Variants in ZDHHC17 observed in about 807,000 individuals in gnomAD.
The protein encoded by ZDHHC17 is palmitoyltransferase ZDHHC17.
ZDHHC17 carries 40 observed loss-of-function variants against 90.3 expected under a neutral mutation model. That is an observed-to-expected ratio of 0.44 (90% confidence interval 0.34 to 0.58). The LOEUF (loss-of-function observed/expected upper bound fraction) is 0.58, where lower values mean the gene tolerates loss of function less well. Ranked by LOEUF, ZDHHC17 falls within the 20% of genes least tolerant of loss-of-function variation. The probability of loss-of-function intolerance (pLI) is 0.01; values close to 1 mark genes in which losing one functional copy is unlikely to be tolerated. For missense variants in ZDHHC17, 614 were observed against 780.8 expected (o/e 0.79, Z 2.55); for synonymous variants, 235 against 252.4 (o/e 0.93, Z 0.65).
At position 76,807,659 on chromosome 12, in the gene ZDHHC17, GA is replaced by G. The variant is rs200710819; in HGVS notation, c.321-1376del. On this transcript the variant is annotated intron_variant, in intron 3 of 16. Transcript: ENST00000426126. ...CAGAAAAGTTCCCTCTCCTTGTGAA[GA>G]AAAAAAAGTTGTGCTTTAGAATCAG... Among the ~76,000 whole-genome samples the G allele has an allele frequency of 6.9e-3, 1,052 of 151,920 alleles. 4 individuals are homozygous for G. The highest frequency in any genetic ancestry group is 0.031 in the East Asian group (159 of 5,170).
At chr12:76,822,347 T>C in intron 7 of ZDHHC17, 59 bp from the exon 8 acceptor site, 7 of 1,584,144 alleles carry the variant, frequency 4.4e-6, no homozygotes, top group Non-Finnish European at 5.2e-6. Flanking sequence ...TCTTTAAAGG[T>C]AACTAAGATA....
At chr12:76,841,419 GT>G (rs1259534479) in intron 10 of ZDHHC17, among the ~76,000 whole-genome samples, 1 of 151,960 alleles carries the variant, frequency 6.6e-6, no homozygotes, top group African/African-American at 2.4e-5. Context: ...TATTTAAATT[GT>G]TTTTTGATAA....
At chr12:76,792,534 C>T (rs1350011538) in intron 1 of ZDHHC17, among the ~76,000 whole-genome samples, 1 of 152,080 alleles carries the variant, frequency 6.6e-6, no homozygotes, top group African/African-American at 2.4e-5. Context: ...TTTATCGCAG[C>T]TCAGCTTATC....
At chr12:76,795,385 T>C (rs1301682931) in intron 1 of ZDHHC17, among the ~76,000 whole-genome samples, 1 of 152,202 alleles carries the variant, frequency 6.6e-6, no homozygotes, top group Non-Finnish European at 1.5e-5. Flanking sequence ...CAAGTGTACA[T>C]TGTAGAGAGC....
intron 2 of ZDHHC17, among the ~76,000 whole-genome samples, chr12:76,802,357 C>T (rs886416554): frequency 6.6e-6 from 1 of 152,202 alleles, no homozygotes; most frequent in African/African-American, 2.4e-5. Flanking sequence ...TTGCCTCTCT[C>T]TCGTTCCTTT....
rs1292188290 is a variant in ZDHHC17 at position 76,764,194 on chromosome 12, C to T, written c.-43C>T. The T allele has an allele frequency of 2.0e-6, 3 of 1,491,114 alleles. No homozygotes were observed. Among genetic ancestry groups the T allele is most frequent in the Admixed American group, 2.1e-5 (1 of 47,792 alleles). 92.4% of individuals were successfully genotyped at this position (1,491,114 alleles called of 1,614,324 possible). On this transcript the variant is annotated 5_prime_UTR_variant, in exon 1 of 17. Transcript: ENST00000426126. ...TCGCGCTCGCCCCGCGCTCGCCCTC[C>T]GCCTCGCCCGAGCCCCGGGAGGGTG...
intron 2 of ZDHHC17, among the ~76,000 whole-genome samples, chr12:76,802,024 A>G (rs572311888): frequency 2.0e-4 from 31 of 152,286 alleles, no homozygotes; most frequent in African/African-American, 7.2e-4. Context: ...GTAATTGCCC[A>G]TGTATTGACT....
intron 2 of ZDHHC17, among the ~76,000 whole-genome samples, chr12:76,803,309 A>G (rs1173779384): frequency 6.6e-6 from 1 of 152,146 alleles, no homozygotes; most frequent in East Asian, 1.9e-4. Context: ...TTTGTCTTAG[A>G]TGATTTTGTT....
chr12:76,781,776 C>T, intron 1 of ZDHHC17: 1 of 430,418 alleles, frequency 2.3e-6, no homozygotes, highest in South Asian at 1.7e-5. Flanking sequence ...GAGAATATAT[C>T]TGGCTTATTC....
At position 76,840,199 on chromosome 12, in the gene ZDHHC17, A is replaced by G. The variant is rs537035281; in HGVS notation, c.1142-1783A>G. 3 of 152,236 alleles carry G rather than the reference A, an allele frequency of 2.0e-5. No individual in the cohort carries two copies. In the South Asian group the frequency reaches 6.2e-4, roughly 32 times the overall value. The allele number at this position is 152,236 out of a possible 1,614,324, so 9.4% of individuals were successfully genotyped here. ...TCATAATTAAAAATGCAGAATACCAAAATTAAAAGAAGTTTAATTCTGGGT... is the reference window on the plus strand; with the variant it reads ...TCATAATTAAAAATGCAGAATACCAGAATTAAAAGAAGTTTAATTCTGGGT... On this transcript the variant is annotated intron_variant, in intron 10 of 16. Transcript: ENST00000426126.
In ZDHHC17 at chr12:76,771,380, A is replaced by C. The variant is rs755130197; in HGVS notation, c.93+7051A>C. ...TTCAATTCCTGTTGCAAATTTGCCA[A>C]ATTATTTTCTAGGGTTAATACATAC... On this transcript the variant is annotated intron_variant, in intron 1 of 16. Coordinates refer to ENST00000426126, the MANE Select transcript of ZDHHC17 (RefSeq NM_015336.4). Among the ~76,000 whole-genome samples, 3 of 152,182 alleles carry C rather than the reference A, an allele frequency of 2.0e-5. No individual in the cohort carries two copies. The South Asian group carries it at 6.2e-4, about 31-fold the overall frequency.
chr12:76,809,945 G>A (rs1370441429), intron 5 of ZDHHC17, 88 bp downstream of exon 5: 5 of 1,407,728 alleles, frequency 3.6e-6, no homozygotes, highest in Non-Finnish European at 4.8e-6. Flanking sequence ...ACAAGCCGTT[G>A]ATATTTAAAT....
At position 76,852,644 on chromosome 12, in the gene ZDHHC17, G is replaced by T. The variant is rs1281202664; in HGVS notation, c.*1659G>T. ...GCCTTAGTAAGAGGAGCAGTGAAAT[G>T]TATATAGTTGATGTTCAGTATTTCC... On this transcript the variant is annotated 3_prime_UTR_variant, in exon 17 of 17. Transcript: ENST00000426126. 6.6e-6 allele frequency: 1 copy of T among 152,472 alleles called. No individual in the cohort carries two copies. Among genetic ancestry groups the T allele is most frequent in the Admixed American group, 6.6e-5 (1 of 15,266 alleles). 9.4% of individuals were successfully genotyped at this position (152,472 alleles called of 1,614,324 possible). A position where few individuals can be genotyped will look rare whatever the true frequency, so the allele number is the denominator to read the frequency against.
At chr12:76,785,580 T>G (rs188112756) in intron 1 of ZDHHC17, among the ~76,000 whole-genome samples, 331 of 152,318 alleles carry the variant, frequency 2.2e-3, no homozygotes, top group African/African-American at 7.1e-3. Flanking sequence ...TTCACCATCC[T>G]TAGTCATCTG....
rs763422577 is a variant in ZDHHC17, at chr12:76,853,002, G to A, written c.*2017G>A. ...ATGAAGACTCAGTTGCATTTTTATC[G>A]AATACATTTTTATCAACAGTTAAAG... On this transcript the variant is annotated 3_prime_UTR_variant, in exon 17 of 17. Coordinates refer to ENST00000426126, the MANE Select transcript of ZDHHC17 (RefSeq NM_015336.4). The A allele has an allele frequency of 1.2e-4, 19 of 152,262 alleles. No homozygotes were observed. Among genetic ancestry groups the A allele is most frequent in the South Asian group, 2.1e-4 (1 of 4,818 alleles). The allele number at this position is 152,262 out of a possible 1,614,324, so 9.4% of individuals were successfully genotyped here.
Position 76,805,289 on chromosome 12 carries a change from A to G in ZDHHC17, c.198-28A>G. On this transcript the variant is annotated intron_variant, in intron 2 of 16. Coordinates refer to ENST00000426126, the MANE Select transcript of ZDHHC17 (RefSeq NM_015336.4). Reference sequence around the variant, plus strand: ...ACTTTACATTTCTTGTTAAATAATAACAATGCCATATTTTCTTTCTTTTCT... The same window carrying G: ...ACTTTACATTTCTTGTTAAATAATAGCAATGCCATATTTTCTTTCTTTTCT... 7 of 1,547,466 alleles carry G rather than the reference A, an allele frequency of 4.5e-6. No homozygotes were observed. The South Asian group carries it at 8.3e-5, about 18-fold the overall frequency.
At chr12:76,788,111 A>G (rs1160756560) in intron 1 of ZDHHC17, among the ~76,000 whole-genome samples, 3 of 152,184 alleles carry the variant, frequency 2.0e-5, no homozygotes, top group African/African-American at 7.2e-5. Flanking sequence ...TAGTTATGCT[A>G]CACATACATT....
intron 7 of ZDHHC17, chr12:76,821,197 G>T (rs1360676927): frequency 1.7e-5 from 20 of 1,196,696 alleles, no homozygotes; most frequent in Non-Finnish European, 2.1e-5. Flanking sequence ...TTAATTAGCT[G>T]GTTCTGACAA....
intron 1 of ZDHHC17, among the ~76,000 whole-genome samples, chr12:76,784,393 A>G (rs1952662828): frequency 6.6e-6 from 1 of 152,212 alleles, no homozygotes; most frequent in Non-Finnish European, 1.5e-5. Flanking sequence ...AGATGGTGAA[A>G]TCATTGATGC....
Sources: gnomAD v4.1 joint callset for allele counts (sites outside exome capture counted in the v4.1 genomes callset) on GRCh38, gnomAD v4.1.1 for gene constraint, MANE v1.5 for transcripts, NCBI Gene and HGNC (gene_info 2026-07-23, HGNC 2026-07-21) for gene names.